Variants in HNF4A observed in about 807,000 individuals in gnomAD.
HNF4A encodes hepatocyte nuclear factor 4-alpha.
HNF4A carries 15 observed loss-of-function variants against 52.4 expected under a neutral mutation model. That is an observed-to-expected ratio of 0.29 (90% CI 0.19 to 0.44). The LOEUF (loss-of-function observed/expected upper bound fraction) is 0.44. Ranked by LOEUF, HNF4A falls within the 20% of genes least tolerant of loss-of-function variation. HNF4A has a pLI of 1.00. For missense variants in HNF4A, 479 were observed against 647.2 expected (o/e 0.74, Z 2.82); for synonymous variants, 280 against 264.4 (o/e 1.06, Z -0.57).
intron 1 of HNF4A, chr20:44,390,605 T>G: frequency 1.4e-6 from 1 of 702,452 alleles, no homozygotes; most frequent in Non-Finnish European, 2.6e-6. Flanking sequence ...GAAGAGGTTG[T>G]GCACTGTGCG....
At chr20:44,407,208 C>T (rs149344269) in intron 2 of HNF4A, among the ~76,000 whole-genome samples, 173 bp from the exon 3 acceptor site, 5 of 152,130 alleles carry the variant, frequency 3.3e-5, no homozygotes, top group African/African-American at 7.2e-5. Context: ...GGACTGGGCT[C>T]TTAGAGAGTT....
At chr20:44,411,649 G>A (rs898741115) in intron 3 of HNF4A, among the ~76,000 whole-genome samples, 1 of 152,142 alleles carries the variant, frequency 6.6e-6, no homozygotes, top group Non-Finnish European at 1.5e-5. Context: ...ACTGACTCCC[G>A]GGCTCAAGTG....
chr20:44,382,215 A>G (rs6017336), intron 1 of HNF4A, among the ~76,000 whole-genome samples: 2,213 of 151,448 alleles, frequency 0.015, 54 homozygotes, highest in African/African-American at 0.05. Flanking sequence ...TTATTCTTCA[A>G]GGGGCATAGC....
In HNF4A at chr20:44,388,329, C is replaced by T. The variant is rs1054815248; in HGVS notation, c.50-17729C>T. ...CATGCCCCATACATGCTAACATCTGCTTCCACATGGAAGCAGCACAAAGCC... is the reference window on the plus strand; with the variant it reads ...CATGCCCCATACATGCTAACATCTGTTTCCACATGGAAGCAGCACAAAGCC... On this transcript the variant is annotated intron_variant, in intron 1 of 9. Coordinates refer to the HNF4A transcript ENST00000316673. Among the ~76,000 whole-genome samples the T allele has an allele frequency of 6.9e-5, 10 of 144,470 alleles. 1 individual carries two copies. The highest frequency in any genetic ancestry group is 1.5e-4 in the Non-Finnish European group (10 of 67,250). 94.8% of individuals were successfully genotyped at this position (144,470 alleles called of 152,430 possible). A position where few individuals can be genotyped will look rare whatever the true frequency, so the allele number is the denominator to read the frequency against.
intron 1 of HNF4A, among the ~76,000 whole-genome samples, chr20:44,369,285 C>G (rs1418452575): frequency 2.9e-5 from 4 of 135,884 alleles, no homozygotes; most frequent in Non-Finnish European, 6.2e-5. Flanking sequence ...AAAACTGGGC[C>G]GGCCACAGTG....
chr20:44,409,154 G>A (rs1181527101), intron 3 of HNF4A, among the ~76,000 whole-genome samples: 4 of 152,146 alleles, frequency 2.6e-5, no homozygotes. Context: ...GGTCCCCAAG[G>A]CCTGCTCTGA....
chr20:44,382,821 G>C (rs1039255819), intron 1 of HNF4A, among the ~76,000 whole-genome samples: 1 of 152,058 alleles, frequency 6.6e-6, no homozygotes, highest in Non-Finnish European at 1.5e-5. Flanking sequence ...AATCATCCAG[G>C]TGATTTATTT....
At chr20:44,364,201 T>C (rs943088528) in intron 1 of HNF4A, among the ~76,000 whole-genome samples, 1 of 152,268 alleles carries the variant, frequency 6.6e-6, no homozygotes, top group South Asian at 2.1e-4. Flanking sequence ...TTGACTTTTG[T>C]ATATTTCTTT....
Position 44,428,470 on chromosome 20 carries a change from G to C in HNF4A, c.1265G>C (p.Arg422Pro). The change falls in exon 9 of 10, where the codon CGA (arginine) becomes CCA (proline). Residue 422 changes from arginine (R) to proline (P), a missense_variant. By Grantham distance (103) the Arg-to-Pro change is moderately radical (BLOSUM62 -2). Around this residue, in one of 3 missense-constraint regions of HNF4A, gnomAD observed 389 missense variants for 525.1 expected, o/e 0.74. Transcript: ENST00000316099. ...AACGGACAGATGTGTGAGTGGCCCC[G>C]ACCCAGGGGACAGGCAGGTGGGCAA... 2 of 1,614,070 alleles carry C rather than the reference G, an allele frequency of 1.2e-6. No individual in the cohort carries two copies. Among genetic ancestry groups the C allele is most frequent in the Non-Finnish European group, 1.7e-6 (2 of 1,179,996 alleles).
downstream of HNF4A, chr20:44,433,225 T>C (rs1336022590): frequency 6.6e-6 from 1 of 152,250 alleles, no homozygotes; most frequent in Non-Finnish European, 1.5e-5. Flanking sequence ...TCTGGAAGAA[T>C]GGCAAGAGGG....
At chr20:44,358,990 G>A (rs1338674039) in intron 1 of HNF4A, among the ~76,000 whole-genome samples, 1 of 152,158 alleles carries the variant, frequency 6.6e-6, no homozygotes, top group Admixed American at 6.5e-5. Context: ...TGGCTTTGCG[G>A]TTCTCGTCAT....
chr20:44,429,953 C>A lies in HNF4A; in HGVS notation c.*288C>A. On this transcript the variant is annotated 3_prime_UTR_variant, in exon 10 of 10. Transcript: ENST00000316099. ...CACCTTCACCTTCATCCATGTCCAA[C>A]CCCCGACTTCATCCCAAAGGACAGC... The A allele has an allele frequency of 2.3e-6, 1 of 443,330 alleles. No individual in the cohort carries two copies. Among genetic ancestry groups the A allele is most frequent in the South Asian group, 3.0e-5 (1 of 33,520 alleles). 27.5% of individuals were successfully genotyped at this position (443,330 alleles called of 1,614,324 possible).
chr20:44,372,510 G>GCC lies in HNF4A; in HGVS notation c.49+16660_49+16661dup, dbSNP rs141016434. On this transcript the variant is annotated intron_variant, in intron 1 of 9. Transcript: ENST00000316673. ...TCCACATGGGAAATCTCACTCCCAG[G>GCC]CCCCATCTGGCAGCCATTGTGTTTT... is the stretch of plus-strand genomic sequence containing the variant. Among the ~76,000 whole-genome samples, 671 of 152,228 alleles carry GCC rather than the reference G, an allele frequency of 4.4e-3. 2 individuals carry two copies. Among genetic ancestry groups the GCC allele is most frequent in the African/African-American group, 0.015 (642 of 41,518 alleles).
intron 1 of HNF4A, among the ~76,000 whole-genome samples, chr20:44,386,469 C>T (rs1273347898): frequency 1.3e-5 from 2 of 152,104 alleles, no homozygotes; most frequent in Non-Finnish European, 2.9e-5. Context: ...GCCCAGCTGC[C>T]ATCTGAATTT....
Position 44,401,251 on chromosome 20 carries a change from A to G in HNF4A, c.-122A>G. The stretch of plus-strand genomic sequence containing the variant: ...CAAGACTCCCAGCAGATCTTCCCAG[A>G]GGACGGTTTGAAAGGAAGGCAGAGA... On this transcript the variant is annotated 5_prime_UTR_variant, in exon 1 of 10. Coordinates refer to ENST00000316099, the MANE Select transcript of HNF4A (RefSeq NM_000457.6). The G allele has an allele frequency of 6.4e-7, 1 of 1,561,838 alleles. No homozygotes were observed. Among genetic ancestry groups the G allele is most frequent in the Non-Finnish European group, 8.6e-7 (1 of 1,160,932 alleles).
intron 1 of HNF4A, 135 bp from the exon 2 acceptor site, chr20:44,405,923 G>C: frequency 2.4e-6 from 2 of 833,832 alleles, no homozygotes; most frequent in South Asian, 2.7e-5. Context: ...AGGTCACTGA[G>C]TGGGGAGGTG....
intron 1 of HNF4A, among the ~76,000 whole-genome samples, chr20:44,404,068 C>T (rs1306754141): frequency 6.6e-6 from 1 of 152,244 alleles, no homozygotes; most frequent in East Asian, 1.9e-4. Context: ...TGGGAGTCTG[C>T]GATGGCAGAA....
rs939322529 is a variant in HNF4A at position 44,428,452 on chromosome 20, A to G, written c.1247A>G (p.Gln416Arg). 1 of 1,614,206 alleles carries G rather than the reference A, an allele frequency of 6.2e-7. No homozygotes were observed. The highest frequency in any genetic ancestry group is 1.3e-5 in the African/African-American group (1 of 75,056). Residue 416 changes from glutamine to arginine, a missense_variant, in exon 9 of 10, where the codon CAG becomes CGG. Around this residue, in one of 3 missense-constraint regions of HNF4A, gnomAD observed 389 missense variants for 525.1 expected, o/e 0.74. Transcript: ENST00000316099. ...ATGCCCACTCACCTCAGCAACGGAC[A>G]GATGTGTGAGTGGCCCCGACCCAGG...
intron 1 of HNF4A, among the ~76,000 whole-genome samples, chr20:44,366,578 G>A (rs1357142709): frequency 6.6e-6 from 1 of 152,034 alleles, no homozygotes; most frequent in East Asian, 1.9e-4. Context: ...CCAAGATCAC[G>A]CCACTGTACT....
Sources: allele counts gnomAD v4.1 joint callset (sites outside exome capture counted in the v4.1 genomes callset), GRCh38; gene constraint gnomAD v4.1.1; regional missense constraint gnomAD v4.1.1; transcripts MANE v1.5; gene names NCBI Gene and HGNC (gene_info 2026-07-23, HGNC 2026-07-21).